Variants in HUWE1 observed in about 807,000 individuals in gnomAD.
The protein encoded by HUWE1 is E3 ubiquitin-protein ligase HUWE1.
Under a neutral mutation model 299.4 loss-of-function variants are expected in HUWE1, and 18 were observed. The ratio of observed to expected loss-of-function variants is 0.06; its 90% CI spans 0.04 to 0.09. The LOEUF (loss-of-function observed/expected upper bound fraction) is 0.09, where lower values mean the gene tolerates loss of function less well. Among genes scored for constraint, HUWE1 ranks in the 10% least tolerant of loss-of-function variants. The pLI is 1.00. For missense variants in HUWE1, 1,832 were observed against 3,462.3 expected, an observed-to-expected ratio of 0.53 and a Z score of 11.82; for synonymous variants, 1,317 against 1,286.1, an observed-to-expected ratio of 1.02 and a Z score of -0.51.
At chrX:53,564,943 T>C in intron 50 of HUWE1, 124 bp downstream of exon 50, 1 of 858,892 alleles carries the variant, frequency 1.2e-6, no homozygotes, top group Admixed American at 2.2e-5. Context: ...CCCACGCCAC[T>C]ATGACAGATC....
chrX:53,539,110 T>C, intron 75 of HUWE1, 30 bp from the exon 76 acceptor site: 1 of 1,193,057 alleles, frequency 8.4e-7, no homozygotes, highest in Admixed American at 2.2e-5. Context: ...AGAAGTAACA[T>C]TTTACTCTGC....
At chrX:53,544,082 G>A (rs2061457997) in intron 72 of HUWE1, 114 bp from the exon 73 acceptor site, 2 of 669,509 alleles carry the variant, frequency 3.0e-6, no homozygotes, top group Non-Finnish European at 4.6e-6. Flanking sequence ...GGTCTTTTGA[G>A]CTTTAGCTCA....
chrX:53,548,105 G>A lies in HUWE1; in HGVS notation c.10204C>T (p.Arg3402Trp). ...GACTTCACGGAGTTCTTGCCTTTCC[G>A]GCTGACATTCATGTTGTCCAGTTTT... The part of the protein sequence containing the change: ...LVKLDNMNVS[R>W]KGKNSVKSVP... Residue 3402 changes from arginine to tryptophan, a missense_variant, in exon 68 of 84, where the codon CGG becomes TGG. Arg to Trp is a moderately radical substitution (Grantham distance 101). Around this residue, in one of 15 missense-constraint regions of HUWE1, gnomAD observed 80 missense variants for 142.1 expected, o/e 0.56. Transcript: ENST00000262854. 2 of 1,208,185 alleles carry A rather than the reference G, an allele frequency of 1.7e-6. No individual in the cohort carries two copies. Among genetic ancestry groups the A allele is most frequent in the Non-Finnish European group, 2.2e-6 (2 of 893,583 alleles).
At chrX:53,604,280 A>G (rs2065041313) in intron 26 of HUWE1, among the ~76,000 whole-genome samples, 1 of 111,988 alleles carries the variant, frequency 8.9e-6, no homozygotes, top group South Asian at 3.7e-4. Flanking sequence ...TGTCCTACCT[A>G]TGCCATCCCA....
At chrX:53,559,728 T>A (rs1333092848) in intron 56 of HUWE1, among the ~76,000 whole-genome samples, 196 bp from the exon 57 acceptor site, 2 of 112,456 alleles carry the variant, frequency 1.8e-5, no homozygotes, top group Non-Finnish European at 3.8e-5. Context: ...TATTCCATAG[T>A]TCCTGGCACC....
In HUWE1 at chrX:53,539,660, G is replaced by A. The variant is rs1556916634; in HGVS notation, c.11629C>T (p.Leu3877=). The A allele has an allele frequency of 8.3e-7, 1 of 1,211,254 alleles. No homozygotes were observed. The highest frequency in any genetic ancestry group is 1.8e-5 in the South Asian group (1 of 56,988). The stretch of plus-strand genomic sequence containing the variant: ...GGGCCTTTAGGACACAACTCACCTA[G>A]CACCGCATGCTGGTCATGGGATTCC... ...LEESHDQHAV[L]VLQPAVEAFF... is the part of the protein sequence containing the mutation. Residue 3877 remains leucine (L), a synonymous_variant, in exon 75 of 84, where the codon CTA becomes TTA. Transcript: ENST00000262854.
At chrX:53,663,383 C>A (rs2069102527) in intron 3 of HUWE1, among the ~76,000 whole-genome samples, 2 of 111,432 alleles carry the variant, frequency 1.8e-5, no homozygotes, top group African/African-American at 6.5e-5. Context: ...TGTGGTGGCG[C>A]ATGTCTGTAA....
intron 73 of HUWE1, 22 bp downstream of exon 73, chrX:53,543,819 G>A: frequency 8.3e-7 from 1 of 1,210,935 alleles, no homozygotes; most frequent in Non-Finnish European, 1.1e-6. Flanking sequence ...AATGAATGAG[G>A]GGCCACAGGC....
chrX:53,679,311 C>G (rs781884242), intron 3 of HUWE1, among the ~76,000 whole-genome samples: 4 of 111,823 alleles, frequency 3.6e-5, no homozygotes, highest in Admixed American at 9.4e-5. Context: ...AAAAAAAAAT[C>G]AGAAATCTGA....
Position 53,634,502 on chromosome X carries a change from C to A in HUWE1, c.505-204G>T, listed in dbSNP as rs963329448. On this transcript the variant is annotated intron_variant, in intron 7 of 83. Coordinates refer to ENST00000262854, the MANE Select transcript of HUWE1 (RefSeq NM_031407.7). ...GTGAAAGTCAAACAAGAGGAAAAAA[C>A]GAACAGAAATAAGAACTTAAGAATC... is the stretch of plus-strand genomic sequence containing the variant. Among the ~76,000 whole-genome samples the A allele has an allele frequency of 1.3e-4, 15 of 111,999 alleles. 1 individual carries two copies. Among genetic ancestry groups the A allele is most frequent in the Admixed American group, 1.0e-3 (11 of 10,579 alleles).
In HUWE1 at chrX:53,550,552, G is replaced by GA. The variant is rs2061727565; in HGVS notation, c.9488+113dup. On this transcript the variant is annotated intron_variant, in intron 66 of 83. Coordinates refer to ENST00000262854, the MANE Select transcript of HUWE1 (RefSeq NM_031407.7). ...CTCACTTATTCAAGGAAATGGCTTAGAGAGACCATCCATCCTGCCTGTCAG... is the reference window on the plus strand; with the variant it reads ...CTCACTTATTCAAGGAAATGGCTTAGAAGAGACCATCCATCCTGCCTGTCAG... 5 of 663,320 alleles carry GA rather than the reference G, an allele frequency of 7.5e-6. No homozygotes were observed. In the Admixed American group the frequency reaches 1.3e-4, roughly 17 times the overall value. The allele number at this position is 663,320 out of a possible 1,213,427, so 54.7% of individuals were successfully genotyped here. A position where few individuals can be genotyped will look rare whatever the true frequency, so the allele number is the denominator to read the frequency against.
chrX:53,575,456 T>C (rs1413820622), intron 45 of HUWE1, among the ~76,000 whole-genome samples, 187 bp downstream of exon 45: 1 of 111,131 alleles, frequency 9.0e-6, no homozygotes, highest in Non-Finnish European at 1.9e-5. Flanking sequence ...TAAAGAACAG[T>C]TCTAATCCTA....
In HUWE1 at chrX:53,588,554, G is replaced by A. The variant is rs782321508; in HGVS notation, c.4462-20C>T. 8.4e-7 allele frequency: 1 copy of A among 1,190,516 alleles called. No homozygotes were observed. The highest frequency in any genetic ancestry group is 2.3e-4 in the Middle Eastern group (1 of 4,316). On this transcript the variant is annotated intron_variant, in intron 36 of 83. Transcript: ENST00000262854. The stretch of plus-strand genomic sequence containing the variant: ...CCACACCTAGAAAAGCAAAAAAAGG[G>A]TTAAGTCACGGAACCGCAGAGCAAG...
chrX:53,578,608 C>T (rs1489523194), intron 43 of HUWE1, among the ~76,000 whole-genome samples: 3 of 94,360 alleles, frequency 3.2e-5, no homozygotes, highest in Middle Eastern at 6.9e-3. Context: ...CCCGGCCAGC[C>T]GCCCCGTCCG....
intron 19 of HUWE1, among the ~76,000 whole-genome samples, chrX:53,618,582 T>TTTTG (rs2148871273): frequency 1.9e-5 from 2 of 107,560 alleles, no homozygotes; most frequent in East Asian, 5.7e-4. Context: ...TTTTTTTTTT[T>TTTTG]TAGACGGAGT....
chrX:53,554,583 CCTTT>C, intron 61 of HUWE1, 46 bp downstream of exon 61: 2 of 1,149,530 alleles, frequency 1.7e-6, no homozygotes, highest in Non-Finnish European at 2.4e-6. Context: ...ACAAAGACAT[CCTTT>C]CTTCCCTCTT....
chrX:53,652,567 T>A (rs2068539424), intron 4 of HUWE1, among the ~76,000 whole-genome samples: 1 of 111,974 alleles, frequency 8.9e-6, no homozygotes, highest in South Asian at 3.7e-4. Flanking sequence ...CAAGTTTTCT[T>A]TTTGTCCTTT....
At chrX:53,617,949 C>A (rs1443239029) in intron 19 of HUWE1, among the ~76,000 whole-genome samples, 1 of 112,093 alleles carries the variant, frequency 8.9e-6, no homozygotes, top group Non-Finnish European at 1.9e-5. Context: ...TAAACTGCCT[C>A]ATACAAAGGT....
chrX:53,542,031 A>G (rs1212177970), intron 74 of HUWE1, among the ~76,000 whole-genome samples: 7 of 110,906 alleles, frequency 6.3e-5, no homozygotes, highest in Non-Finnish European at 1.3e-4. Flanking sequence ...AAAAATACAA[A>G]AACTAGCCAG....
Sources: allele counts gnomAD v4.1 joint callset (sites outside exome capture counted in the v4.1 genomes callset), GRCh38; gene constraint gnomAD v4.1.1; regional missense constraint gnomAD v4.1.1; transcripts MANE v1.5; gene names NCBI Gene and HGNC (gene_info 2026-07-23, HGNC 2026-07-21).